MBTPS1: variants seen among roughly 807,000 people sequenced by gnomAD.
The protein encoded by MBTPS1 is membrane bound transcription factor peptidase, site 1, also known as membrane-bound transcription factor site-1 protease.
A neutral mutation model predicts 127.8 loss-of-function variants in MBTPS1; 94 were observed. The observed-to-expected ratio is 0.74, with a 90% CI of 0.62 to 0.87. The LOEUF (loss-of-function observed/expected upper bound fraction) is 0.87, where lower values mean the gene tolerates loss of function less well. Ranked by LOEUF, MBTPS1 falls within the 40% of genes least tolerant of loss-of-function variation. The probability of loss-of-function intolerance (pLI) is 0.00; values close to 1 mark genes in which losing one functional copy is unlikely to be tolerated. For synonymous variants in MBTPS1, 632 were observed against 509.4 expected, an observed-to-expected ratio of 1.24 and a Z score of -3.24; for missense variants, 1,636 against 1,353.2, an observed-to-expected ratio of 1.21 and a Z score of -3.28.
At position 84,091,478 on chromosome 16, in the gene MBTPS1, C is replaced by T. The variant is rs1311351720; in HGVS notation, c.963+254G>A. On this transcript the variant is annotated intron_variant, in intron 7 of 22. Coordinates refer to ENST00000343411, the MANE Select transcript of MBTPS1 (RefSeq NM_003791.4). ...TCCAGCCTGGCCAACAAGAATAAAA[C>T]TCCATCTCAAAAAAAAAAAAAAAAA... Among the ~76,000 whole-genome samples the T allele has an allele frequency of 8.2e-5, 10 of 121,374 alleles. No homozygotes were observed. The East Asian group carries it at 2.5e-3, about 31-fold the overall frequency. The allele number at this position is 121,374 out of a possible 152,430, so 79.6% of individuals were successfully genotyped here.
At chr16:84,082,091 G>A in intron 10 of MBTPS1, 183 bp from the exon 11 acceptor site, 3 of 406,746 alleles carry the variant, frequency 7.4e-6, no homozygotes, top group Non-Finnish European at 1.3e-5. Context: ...ACCCAATCCA[G>A]GACTGACCAC....
At chr16:84,100,212 G>C (rs1243225558) in intron 2 of MBTPS1, among the ~76,000 whole-genome samples, 4 of 152,144 alleles carry the variant, frequency 2.6e-5, no homozygotes, top group Admixed American at 1.3e-4. Flanking sequence ...AGGAGTTTAA[G>C]ACCAGCCTGG....
rs536057022 is a variant in MBTPS1, at chr16:84,115,283, G to C, written c.-325+1452C>G. 1.6e-3 allele frequency among the ~76,000 whole-genome samples: 244 copies of C among 152,242 alleles called. 1 individual carries two copies. The highest frequency in any genetic ancestry group is 5.7e-3 in the African/African-American group (236 of 41,542). ...AGAAGAGCTCCCACTTCTTCCCTAG[G>C]TGCTTCAAAGGTTCCGCAAGCTCTG... On this transcript the variant is annotated intron_variant, in intron 1 of 22. Transcript: ENST00000343411.
At chr16:84,092,823 G>C (rs1284980904) in intron 6 of MBTPS1, among the ~76,000 whole-genome samples, 1 of 152,178 alleles carries the variant, frequency 6.6e-6, no homozygotes, top group Non-Finnish European at 1.5e-5. Flanking sequence ...ACCCAATCAG[G>C]GAGGCAAGCA....
intron 3 of MBTPS1, 21 bp downstream of exon 3, chr16:84,099,032 G>C (rs2151167181): frequency 6.2e-7 from 1 of 1,608,260 alleles, no homozygotes; most frequent in African/African-American, 1.3e-5. Context: ...AGAGAAATTT[G>C]CCTACAGTCA....
At chr16:84,110,861 C>T (rs2086387742) in intron 1 of MBTPS1, 1 of 152,214 alleles carries the variant, frequency 6.6e-6, no homozygotes, top group African/African-American at 2.4e-5. Flanking sequence ...AATCTGGAAG[C>T]ACATAAGGCT....
At chr16:84,067,398 G>C (rs2085701493) in intron 16 of MBTPS1, among the ~76,000 whole-genome samples, 1 of 152,108 alleles carries the variant, frequency 6.6e-6, no homozygotes, top group Admixed American at 6.6e-5. Context: ...TGACACCCAG[G>C]CTGGAGTACA....
At chr16:84,061,854 A>G (rs1371865500) in intron 19 of MBTPS1, among the ~76,000 whole-genome samples, 1 of 152,146 alleles carries the variant, frequency 6.6e-6, no homozygotes, top group Non-Finnish European at 1.5e-5. Context: ...TTCCATTAAC[A>G]TCAACCTGGA....
At chr16:84,092,227 C>G (rs1210095141) in intron 6 of MBTPS1, among the ~76,000 whole-genome samples, 1 of 152,186 alleles carries the variant, frequency 6.6e-6, no homozygotes, top group African/African-American at 2.4e-5. Context: ...AATAGTTCAA[C>G]TTATCTATCT....
Position 84,074,994 on chromosome 16 carries a change from G to T in MBTPS1, c.1449-253C>A, listed in dbSNP as rs563291636. On this transcript the variant is annotated intron_variant, in intron 11 of 22. Coordinates refer to ENST00000343411, the MANE Select transcript of MBTPS1 (RefSeq NM_003791.4). ...CTGCTTTTGCAAGTCTGGAGCTTTG[G>T]GAGTTGTCACTGGCAGAGAATGAGT... 6.1e-4 allele frequency: 183 copies of T among 301,246 alleles called. 1 individual carries two copies. Among genetic ancestry groups the T allele is most frequent in the Non-Finnish European group, 6.7e-4 (109 of 162,482 alleles). 18.7% of individuals were successfully genotyped at this position (301,246 alleles called of 1,614,324 possible).
intron 14 of MBTPS1, among the ~76,000 whole-genome samples, chr16:84,069,623 C>T (rs1231269103): frequency 2.6e-5 from 4 of 152,154 alleles, no homozygotes; most frequent in Non-Finnish European, 4.4e-5. Flanking sequence ...TGCTGACTGG[C>T]GCAATGGGAG....
At chr16:84,100,999 C>CAAAAAAAAAAAA (rs562200642) in intron 2 of MBTPS1, among the ~76,000 whole-genome samples, 41 of 68,352 alleles carry the variant, frequency 6.0e-4, no homozygotes, top group African/African-American at 2.0e-3. Context: ...ACTAAAAATA[C>CAAAAAAAAAAAA]AAAAAAAAAA....
chr16:84,064,269 G>A (rs1012780033), intron 18 of MBTPS1, among the ~76,000 whole-genome samples: 3 of 151,788 alleles, frequency 2.0e-5, no homozygotes, highest in Non-Finnish European at 2.9e-5. Context: ...TCTCTGTGCA[G>A]GAATCCTACT....
intron 16 of MBTPS1, 73 bp downstream of exon 16, chr16:84,067,594 C>A: frequency 8.4e-7 from 1 of 1,192,320 alleles, no homozygotes; most frequent in Non-Finnish European, 1.2e-6. Context: ...GTCAAATCAT[C>A]ACTTAAGTAT....
At position 84,063,464 on chromosome 16, in the gene MBTPS1, A is replaced by C. The variant is rs771056877; in HGVS notation, c.2432-19T>G. ...TCCAATCCTGAAACAACACAACAAA[A>C]AACAACAGCCATGAGAGTTTCCACT... On this transcript the variant is annotated intron_variant, in intron 18 of 22. Transcript: ENST00000343411. The C allele has an allele frequency of 1.2e-6, 2 of 1,610,340 alleles. No individual in the cohort carries two copies. The highest frequency in any genetic ancestry group is 1.1e-5 in the South Asian group (1 of 90,986).
intron 20 of MBTPS1, chr16:84,059,724 C>T (rs762788092): frequency 3.3e-5 from 7 of 209,764 alleles, no homozygotes; most frequent in South Asian, 1.3e-4. Flanking sequence ...CACTGACACA[C>T]GCAAGGCTAC....
At chr16:84,080,968 G>C (rs187826353) in intron 11 of MBTPS1, among the ~76,000 whole-genome samples, 173 of 152,338 alleles carry the variant, frequency 1.1e-3, no homozygotes, top group Admixed American at 7.1e-3. Flanking sequence ...GAAAACGGAG[G>C]AACCGTCTGT....
chr16:84,070,245 T>G (rs1443399737), intron 13 of MBTPS1, among the ~76,000 whole-genome samples: 1 of 152,240 alleles, frequency 6.6e-6, no homozygotes, highest in Non-Finnish European at 1.5e-5. Context: ...TTAAGGCATA[T>G]TCTATCAATA....
Position 84,054,381 on chromosome 16 carries a change from G to C in MBTPS1, c.*68C>G, listed in dbSNP as rs2085484224. 3.5e-6 allele frequency: 5 copies of C among 1,412,310 alleles called. No homozygotes were observed. In the African/African-American group the frequency reaches 5.8e-5, roughly 16 times the overall value. The allele number at this position is 1,412,310 out of a possible 1,614,324, so 87.5% of individuals were successfully genotyped here. A position where few individuals can be genotyped will look rare whatever the true frequency, so the allele number is the denominator to read the frequency against. On this transcript the variant is annotated 3_prime_UTR_variant, in exon 23 of 23. Coordinates refer to ENST00000343411, the MANE Select transcript of MBTPS1 (RefSeq NM_003791.4). ...CCCTTTTAAACCAGCCGCCACCACA[G>C]CTCGGCTCACCCACCAGCGCCGTCC... is the stretch of plus-strand genomic sequence containing the variant.
Sources: gnomAD v4.1 joint callset for allele counts (sites outside exome capture counted in the v4.1 genomes callset) on GRCh38, gnomAD v4.1.1 for gene constraint, MANE v1.5 for transcripts, NCBI Gene and HGNC (gene_info 2026-07-23, HGNC 2026-07-21) for gene names.